ARNT2: variants seen among roughly 807,000 people sequenced by gnomAD.
The protein encoded by ARNT2 is aryl hydrocarbon receptor nuclear translocator 2.
A neutral mutation model predicts 91.7 loss-of-function variants in ARNT2; 36 were observed. The observed-to-expected ratio is 0.39, with a 90% CI of 0.30 to 0.52. The LOEUF (loss-of-function observed/expected upper bound fraction) is 0.52. Among genes scored for constraint, ARNT2 ranks in the 20% least tolerant of loss-of-function variants. The pLI, the probability that ARNT2 is intolerant of heterozygous loss-of-function variation, is 0.72. For synonymous variants in ARNT2, 365 were observed against 347.1 expected, an observed-to-expected ratio of 1.05 and a Z score of -0.57; for missense variants, 775 against 939.3, an observed-to-expected ratio of 0.83 and a Z score of 2.29.
chr15:80,514,084 A>G (rs1897389265), intron 7 of ARNT2, 108 bp downstream of exon 7: 1 of 1,150,870 alleles, frequency 8.7e-7, no homozygotes, highest in South Asian at 1.3e-5. Flanking sequence ...GTGAGGACCA[A>G]GAGAACCAGA....
chr15:80,495,768 C>A (rs12101813), intron 5 of ARNT2, among the ~76,000 whole-genome samples: 3,012 of 152,312 alleles, frequency 0.02, 53 homozygotes, highest in East Asian at 0.055. Flanking sequence ...GAGCTCCAGC[C>A]AAACAGGACT....
chr15:80,493,164 C>T (rs2141413019), intron 5 of ARNT2, among the ~76,000 whole-genome samples: 1 of 152,280 alleles, frequency 6.6e-6, no homozygotes, highest in East Asian at 1.9e-4. Context: ...GCAAGAAGGG[C>T]CAAGCTTGCT....
intron 6 of ARNT2, among the ~76,000 whole-genome samples, chr15:80,508,996 A>G (rs1897308392): frequency 6.6e-6 from 1 of 152,218 alleles, no homozygotes; most frequent in Non-Finnish European, 1.5e-5. Context: ...GGTGCAGGAC[A>G]GAGAATTGAG....
rs1005550296 is a variant in ARNT2 at position 80,479,217 on chromosome 15, G to T, written c.622+3994G>T. Among the ~76,000 whole-genome samples, 4 of 152,254 alleles carry T rather than the reference G, an allele frequency of 2.6e-5. No individual in the cohort carries two copies. The South Asian group carries it at 6.2e-4, about 24-fold the overall frequency. ...CTGCAGACTCCCATGTTGGCTCAGG[G>T]ACCCCAGAAAATCAATATGCTGTCA... On this transcript the variant is annotated intron_variant, in intron 5 of 18. Coordinates refer to ENST00000303329, the MANE Select transcript of ARNT2 (RefSeq NM_014862.4).
chr15:80,564,802 A>G (rs1439214642), intron 12 of ARNT2, among the ~76,000 whole-genome samples: 3 of 152,046 alleles, frequency 2.0e-5, no homozygotes, highest in Non-Finnish European at 4.4e-5. Flanking sequence ...TTGATTCTGC[A>G]TTCATTCACT....
Position 80,576,940 on chromosome 15 carries a change from T to A in ARNT2, c.1588T>A (p.Ser530Thr). Residue 530 changes from serine (S) to threonine (T), a missense_variant, in exon 15 of 19, where the codon TCT becomes ACT. This residue lies in a region of ARNT2 where 325 missense variants were observed against 359.9 expected (regional missense o/e 0.90). Transcript: ENST00000303329. ...CTACTCCCAAGGAAGCCCATTTCCCTCTGGACACTCCGGGAAGGCCTTCAG... is the reference window on the plus strand; with the variant it reads ...CTACTCCCAAGGAAGCCCATTTCCCACTGGACACTCCGGGAAGGCCTTCAG... ...QIYSQGSPFP[S>T]GHSGKAFSSS... The A allele has an allele frequency of 1.9e-6, 3 of 1,614,040 alleles. No homozygotes were observed. The highest frequency in any genetic ancestry group is 2.5e-6 in the Non-Finnish European group (3 of 1,180,008).
intron 15 of ARNT2, among the ~76,000 whole-genome samples, chr15:80,577,921 G>C (rs972095939): frequency 6.6e-6 from 1 of 152,206 alleles, no homozygotes; most frequent in Non-Finnish European, 1.5e-5. Flanking sequence ...CAGGGCCTCT[G>C]GTCTGGGGAC....
intron 5 of ARNT2, among the ~76,000 whole-genome samples, chr15:80,495,320 A>G (rs902940044): frequency 3.3e-5 from 5 of 151,130 alleles, no homozygotes; most frequent in African/African-American, 7.3e-5. Context: ...TTCCCAGTAC[A>G]CTCTTTGTGT....
At chr15:80,579,852 C>T (rs1238154884) in intron 15 of ARNT2, among the ~76,000 whole-genome samples, 5 of 152,138 alleles carry the variant, frequency 3.3e-5, no homozygotes, top group Non-Finnish European at 5.9e-5. Context: ...TGAGTTAAGT[C>T]GAAGGTGAAC....
intron 8 of ARNT2, among the ~76,000 whole-genome samples, chr15:80,535,498 G>T (rs1446461178): frequency 6.6e-6 from 1 of 152,198 alleles, no homozygotes; most frequent in Non-Finnish European, 1.5e-5. Flanking sequence ...CTTCATTAGT[G>T]AAATTGAGCA....
Position 80,404,648 on chromosome 15 carries a change from C to T in ARNT2, c.31+102C>T. 1.3e-6 allele frequency: 1 copy of T among 792,778 alleles called. No homozygotes were observed. Among genetic ancestry groups the T allele is most frequent in the Non-Finnish European group, 1.5e-6 (1 of 650,024 alleles). 49.1% of individuals were successfully genotyped at this position (792,778 alleles called of 1,614,324 possible). A position where few individuals can be genotyped will look rare whatever the true frequency, so the allele number is the denominator to read the frequency against. ...GGGCGCCCCCGGGGGCGCGGAGCCG[C>T]AGCTCGGCGCGGTGGGTGGTGGAGC... On this transcript the variant is annotated intron_variant, in intron 1 of 18. Coordinates refer to ENST00000303329, the MANE Select transcript of ARNT2 (RefSeq NM_014862.4). This position sits in a 1 kb window ranked among gnomAD's most constrained non-coding sequence, Gnocchi z 5.5.
intron 10 of ARNT2, among the ~76,000 whole-genome samples, chr15:80,554,438 A>T (rs972401591): frequency 5.3e-5 from 8 of 152,204 alleles, no homozygotes; most frequent in Admixed American, 4.6e-4. Context: ...AATAAATTTT[A>T]AAAAATACAC....
At chr15:80,513,710 T>C (rs1350063018) in intron 6 of ARNT2, among the ~76,000 whole-genome samples, 2 of 133,976 alleles carry the variant, frequency 1.5e-5, no homozygotes, top group African/African-American at 2.9e-5. Context: ...ACACTCTCCT[T>C]TCTTCAGTCA....
At chr15:80,448,619 C>T (rs1896340123) in intron 1 of ARNT2, among the ~76,000 whole-genome samples, 1 of 152,192 alleles carries the variant, frequency 6.6e-6, no homozygotes. Flanking sequence ...GGATTACCAA[C>T]AATGGCTAAG....
chr15:80,459,216 A>G (rs1220418206), intron 3 of ARNT2, among the ~76,000 whole-genome samples: 1 of 152,152 alleles, frequency 6.6e-6, no homozygotes, highest in Non-Finnish European at 1.5e-5. Flanking sequence ...AACAGTAGAG[A>G]GGAGATGGAG....
intron 8 of ARNT2, among the ~76,000 whole-genome samples, chr15:80,548,402 T>C (rs1898024755): frequency 6.6e-6 from 1 of 152,102 alleles, no homozygotes. Flanking sequence ...CTATCTCTAC[T>C]ACTATTCACA....
intron 12 of ARNT2, among the ~76,000 whole-genome samples, chr15:80,567,421 G>T (rs1183831303): frequency 1.3e-5 from 2 of 152,196 alleles, no homozygotes; most frequent in Non-Finnish European, 2.9e-5. Flanking sequence ...TCCAGGCTAA[G>T]ACTTGAGCTC....
At chr15:80,517,414 A>G (rs74027809) in intron 8 of ARNT2, among the ~76,000 whole-genome samples, 2,669 of 152,184 alleles carry the variant, frequency 0.018, 82 homozygotes, top group African/African-American at 0.061. Flanking sequence ...TGAATATAAC[A>G]TGCCTAAATA....
chr15:80,572,105 C>A (rs532764631), intron 12 of ARNT2, among the ~76,000 whole-genome samples: 8 of 151,968 alleles, frequency 5.3e-5, no homozygotes, highest in Non-Finnish European at 8.8e-5. Flanking sequence ...CCTCAGTTTC[C>A]TCATGCGGAA....
Sources: allele counts gnomAD v4.1 joint callset (sites outside exome capture counted in the v4.1 genomes callset), GRCh38; gene constraint gnomAD v4.1.1; regional missense constraint gnomAD v4.1.1; non-coding constraint Gnocchi (gnomAD v3.1); transcripts MANE v1.5; gene names NCBI Gene and HGNC (gene_info 2026-07-23, HGNC 2026-07-21).